Variants in PDZD2 observed in about 807,000 individuals in gnomAD.
PDZD2 encodes PDZ domain containing 2, also known as PDZ domain-containing protein 2.
Under a neutral mutation model 220.7 loss-of-function variants are expected in PDZD2, and 90 were observed. That is an observed-to-expected ratio of 0.41 (90% CI 0.34 to 0.49). The LOEUF (loss-of-function observed/expected upper bound fraction) is 0.49, where lower values mean the gene tolerates loss of function less well. Ranked by LOEUF, PDZD2 falls within the 20% of genes least tolerant of loss-of-function variation. The pLI, the probability that PDZD2 is intolerant of heterozygous loss-of-function variation, is 0.28. For synonymous variants in PDZD2, 1,375 were observed against 1,450.5 expected (o/e 0.95, Z 1.18); for missense variants, 3,174 against 3,608.5 (o/e 0.88, Z 3.08).
intron 2 of PDZD2, among the ~76,000 whole-genome samples, chr5:31,958,962 T>A (rs1356535358): frequency 1.3e-5 from 2 of 151,270 alleles, no homozygotes; most frequent in Non-Finnish European, 2.9e-5. Context: ...AGATGGAGTC[T>A]CGCTCTGTCA....
At chr5:31,912,058 C>T (rs1197983105) in intron 2 of PDZD2, among the ~76,000 whole-genome samples, 1 of 152,242 alleles carries the variant, frequency 6.6e-6, no homozygotes, top group Non-Finnish European at 1.5e-5. Flanking sequence ...CCAGCCCCAG[C>T]CCCAGCCTTG....
At chr5:31,960,775 G>GT (rs377582775) in intron 2 of PDZD2, among the ~76,000 whole-genome samples, 1 of 151,614 alleles carries the variant, frequency 6.6e-6, no homozygotes, top group Admixed American at 6.6e-5. Context: ...AATTAGTGTT[G>GT]TTTTTTTCAT....
chr5:32,069,336 T>C (rs757137204), intron 14 of PDZD2, among the ~76,000 whole-genome samples: 30 of 151,802 alleles, frequency 2.0e-4, no homozygotes, highest in Non-Finnish European at 4.3e-4. Flanking sequence ...TTGGTAATCA[T>C]AGCACTGAAT....
chr5:31,869,980 G>C (rs930169818), intron 2 of PDZD2, among the ~76,000 whole-genome samples: 1 of 152,136 alleles, frequency 6.6e-6, no homozygotes, highest in Non-Finnish European at 1.5e-5. Context: ...CATACCACAA[G>C]TGTGCAAATT....
chr5:31,848,374 G>A (rs1285145289), intron 2 of PDZD2, among the ~76,000 whole-genome samples: 1 of 152,218 alleles, frequency 6.6e-6, no homozygotes, highest in Admixed American at 6.5e-5. Context: ...GATTACAGCT[G>A]AATAATTAAA....
intron 2 of PDZD2, among the ~76,000 whole-genome samples, chr5:31,892,791 G>A (rs895315176): frequency 7.4e-6 from 1 of 134,986 alleles, no homozygotes; most frequent in African/African-American, 2.8e-5. Flanking sequence ...GGCTGGTTTT[G>A]AACTTCTGGG....
At chr5:31,935,696 T>C (rs577917228) in intron 2 of PDZD2, among the ~76,000 whole-genome samples, 3 of 152,348 alleles carry the variant, frequency 2.0e-5, no homozygotes, top group Non-Finnish European at 2.9e-5. Flanking sequence ...TATTGTGAAA[T>C]ATCAGGTCAC....
At chr5:31,695,700 A>G (rs1458345286) in intron 1 of PDZD2, among the ~76,000 whole-genome samples, 1 of 152,208 alleles carries the variant, frequency 6.6e-6, no homozygotes, top group African/African-American at 2.4e-5. Context: ...CCGCTGCACC[A>G]TGAACCCCCA....
intron 1 of PDZD2, among the ~76,000 whole-genome samples, chr5:31,753,594 C>G (rs929616983): frequency 1.4e-5 from 2 of 144,582 alleles, no homozygotes; most frequent in African/African-American, 2.6e-5. Flanking sequence ...GAGTGAGACT[C>G]TGTCTCAAAT....
chr5:32,046,323 A>G (rs1294925900), intron 7 of PDZD2, among the ~76,000 whole-genome samples: 1 of 152,134 alleles, frequency 6.6e-6, no homozygotes, highest in Non-Finnish European at 1.5e-5. Context: ...GGTCACTGCA[A>G]CCTCAGCCTC....
intron 23 of PDZD2, 200 bp from the exon 24 acceptor site, chr5:32,100,905 G>A (rs1346271814): frequency 6.3e-7 from 1 of 1,591,158 alleles, no homozygotes; most frequent in Non-Finnish European, 8.5e-7. Flanking sequence ...AACACAGCCA[G>A]GAGGGCAGCC....
chr5:32,025,130 T>C (rs564004794), intron 6 of PDZD2, among the ~76,000 whole-genome samples: 1 of 152,096 alleles, frequency 6.6e-6, no homozygotes, highest in African/African-American at 2.4e-5. Flanking sequence ...ACACTATTCC[T>C]AGAAAGAAAG....
intron 1 of PDZD2, among the ~76,000 whole-genome samples, chr5:31,749,536 G>T (rs1750809765): frequency 6.6e-6 from 1 of 151,586 alleles, no homozygotes; most frequent in Admixed American, 6.6e-5. Context: ...TGATTCTCCT[G>T]CCTCAGCTTC....
At chr5:32,103,786 A>G (rs1014452577) in intron 24 of PDZD2, 1 of 152,340 alleles carries the variant, frequency 6.6e-6, no homozygotes, top group Non-Finnish European at 1.5e-5. Context: ...GACGCTGACT[A>G]AAGCAGCACA....
rs1751211596 is a variant in PDZD2 at position 31,991,589 on chromosome 5, T to C, written c.979-3987T>C. ...TGTATATCAGATACCCAAGTGGAAT[T>C]GTTAAGGAGGCAGTTGGAAATATCC... is the stretch of plus-strand genomic sequence containing the variant. On this transcript the variant is annotated intron_variant, in intron 3 of 24. Transcript: ENST00000438447. Among the ~76,000 whole-genome samples the C allele has an allele frequency of 2.0e-5, 3 of 152,304 alleles. No individual in the cohort carries two copies. The South Asian group carries it at 6.2e-4, about 32-fold the overall frequency.
chr5:31,816,041 C>T (rs960996417), intron 2 of PDZD2, among the ~76,000 whole-genome samples: 3 of 152,028 alleles, frequency 2.0e-5, no homozygotes, highest in Non-Finnish European at 4.4e-5. Flanking sequence ...GTAATCCCAA[C>T]ATTTTGGGAG....
At chr5:31,900,137 A>G (rs967714251) in intron 2 of PDZD2, among the ~76,000 whole-genome samples, 4 of 152,328 alleles carry the variant, frequency 2.6e-5, no homozygotes, top group African/African-American at 4.8e-5. Context: ...TGAGAATGGC[A>G]GAGGGTGAGC....
At chr5:31,757,659 C>T (rs1348364006) in intron 1 of PDZD2, among the ~76,000 whole-genome samples, 1 of 151,800 alleles carries the variant, frequency 6.6e-6, no homozygotes, top group Non-Finnish European at 1.5e-5. Context: ...GCTGAGGTGA[C>T]GCTGGCTAAT....
At chr5:32,054,293 C>A (rs1420719072) in intron 10 of PDZD2, among the ~76,000 whole-genome samples, 2 of 129,608 alleles carry the variant, frequency 1.5e-5, no homozygotes, top group African/African-American at 5.8e-5. Flanking sequence ...ACCACATAGT[C>A]TGGTTCCTAA....
Sources: allele counts gnomAD v4.1 joint callset (sites outside exome capture counted in the v4.1 genomes callset), GRCh38; gene constraint gnomAD v4.1.1; transcripts MANE v1.5; gene names NCBI Gene and HGNC (gene_info 2026-07-23, HGNC 2026-07-21).